RBMS3: variants seen among roughly 807,000 people sequenced by gnomAD.
RBMS3 encodes the protein RNA binding motif single stranded interacting protein 3, also known as RNA-binding motif, single-stranded-interacting protein 3.
In RBMS3, 27 loss-of-function variants were observed where a neutral mutation model predicts 66.8. That is an observed-to-expected ratio of 0.40 (90% CI 0.30 to 0.56). RBMS3 has a LOEUF of 0.56. Ranked by LOEUF, RBMS3 falls within the 20% of genes least tolerant of loss-of-function variation. The pLI, the probability that RBMS3 is intolerant of heterozygous loss-of-function variation, is 0.40. For missense variants in RBMS3, 513 were observed against 549.5 expected, an observed-to-expected ratio of 0.93 and a Z score of 0.66; for synonymous variants, 188 against 183.0, an observed-to-expected ratio of 1.03 and a Z score of -0.22.
chr3:29,807,686 C>T (rs1213473716), intron 6 of RBMS3, among the ~76,000 whole-genome samples: 1 of 151,666 alleles, frequency 6.6e-6, no homozygotes, highest in African/African-American at 2.4e-5. Flanking sequence ...AAAGATGTTC[C>T]ACAGCACATT....
chr3:29,645,301 G>A (rs907855497), intron 4 of RBMS3, among the ~76,000 whole-genome samples: 5 of 152,204 alleles, frequency 3.3e-5, no homozygotes, highest in African/African-American at 4.8e-5. Flanking sequence ...GGTATACATT[G>A]TTGATTTCTC....
chr3:29,455,178 T>TTTGCCTATATCTCGATCATCACAG (rs1472521395), intron 2 of RBMS3, among the ~76,000 whole-genome samples: 1 of 152,218 alleles, frequency 6.6e-6, no homozygotes, highest in Non-Finnish European at 1.5e-5. Flanking sequence ...CCCGTTTCAC[T>TTTGCCTATATCTCGATCATCACAG]TTGCCTATAT....
At chr3:29,578,126 T>C (rs751913435) in intron 3 of RBMS3, among the ~76,000 whole-genome samples, 1 of 152,260 alleles carries the variant, frequency 6.6e-6, no homozygotes, top group Non-Finnish European at 1.5e-5. Flanking sequence ...TTTATAACTC[T>C]ATAAACCTCT....
At chr3:29,386,813 C>A (rs572514919) in intron 1 of RBMS3, among the ~76,000 whole-genome samples, 2 of 152,316 alleles carry the variant, frequency 1.3e-5, no homozygotes, top group South Asian at 4.1e-4. Flanking sequence ...CCTAAAGCCA[C>A]TTCAATCATG....
chr3:29,662,381 T>C (rs982236205), intron 4 of RBMS3, among the ~76,000 whole-genome samples: 39 of 152,194 alleles, frequency 2.6e-4, no homozygotes, highest in African/African-American at 9.2e-4. Flanking sequence ...AATAAATAAA[T>C]GTTTAATATT....
intron 1 of RBMS3, among the ~76,000 whole-genome samples, chr3:29,330,886 T>C (rs1457947276): frequency 1.3e-5 from 2 of 152,176 alleles, no homozygotes; most frequent in African/African-American, 4.8e-5. Flanking sequence ...CGGATGGTGA[T>C]TGAATTGCTT....
At chr3:29,444,333 A>G in intron 2 of RBMS3, among the ~76,000 whole-genome samples, 1 of 152,120 alleles carries the variant, frequency 6.6e-6, no homozygotes, top group East Asian at 1.9e-4. Flanking sequence ...CCAAGGTCAC[A>G]CAGCTGGTAA....
intron 6 of RBMS3, among the ~76,000 whole-genome samples, chr3:29,777,245 T>C (rs1017101748): frequency 6.6e-6 from 1 of 151,926 alleles, no homozygotes; most frequent in Admixed American, 6.6e-5. Context: ...GGGTGTCTAT[T>C]TGTGACATGT....
chr3:29,335,473 C>G (rs2035893159), intron 1 of RBMS3, among the ~76,000 whole-genome samples: 3 of 152,182 alleles, frequency 2.0e-5, no homozygotes, highest in Admixed American at 1.3e-4. Flanking sequence ...ACTCCCCTGC[C>G]ATGTCAATTT....
At chr3:29,847,757 G>T (rs561366833) in intron 6 of RBMS3, among the ~76,000 whole-genome samples, 41 of 151,918 alleles carry the variant, frequency 2.7e-4, no homozygotes, top group Non-Finnish European at 5.9e-4. Flanking sequence ...CCGGGTTCAC[G>T]CCATTCTCCT....
chr3:29,552,358 C>T (rs1168270411), intron 3 of RBMS3, among the ~76,000 whole-genome samples: 1 of 152,274 alleles, frequency 6.6e-6, no homozygotes, highest in East Asian at 1.9e-4. Context: ...TTGAACTAGA[C>T]ATCCATAGTC....
At chr3:29,462,495 G>A (rs1331768470) in intron 2 of RBMS3, among the ~76,000 whole-genome samples, 1 of 152,108 alleles carries the variant, frequency 6.6e-6, no homozygotes, top group Non-Finnish European at 1.5e-5. Context: ...TAAATTGTTG[G>A]CAGTTGCCTG....
chr3:29,863,244 G>A (rs1487892303), intron 6 of RBMS3, among the ~76,000 whole-genome samples: 1 of 150,988 alleles, frequency 6.6e-6, no homozygotes, highest in Non-Finnish European at 1.5e-5. Context: ...GGGAGGGATA[G>A]CATTAGGAGA....
chr3:29,373,959 T>G (rs2038337461), intron 1 of RBMS3, among the ~76,000 whole-genome samples: 1 of 152,148 alleles, frequency 6.6e-6, no homozygotes, highest in South Asian at 2.1e-4. Context: ...TGCTGGTGGA[T>G]GGGTGGTCAG....
intron 12 of RBMS3, among the ~76,000 whole-genome samples, chr3:29,975,123 C>G (rs1040703236): frequency 1.4e-5 from 2 of 141,300 alleles, no homozygotes; most frequent in Admixed American, 1.4e-4. Context: ...ATATAAAATA[C>G]GTTTATATAT....
At chr3:29,722,058 G>A (rs1484419537) in intron 4 of RBMS3, among the ~76,000 whole-genome samples, 8 of 152,114 alleles carry the variant, frequency 5.3e-5, no homozygotes, top group Admixed American at 1.3e-4. Flanking sequence ...CTGTCTCAAG[G>A]GAGGGCAGTT....
At chr3:29,838,566 G>C (rs1417260099) in intron 6 of RBMS3, among the ~76,000 whole-genome samples, 3 of 152,002 alleles carry the variant, frequency 2.0e-5, no homozygotes, top group Non-Finnish European at 1.5e-5. Context: ...CCTTGTGAAC[G>C]TCCCACTTTG....
rs2042938085 is a variant in RBMS3 at position 29,476,075 on chromosome 3, CAG to C, written c.249-12365_249-12364del. 1.7e-4 allele frequency among the ~76,000 whole-genome samples: 25 copies of C among 149,610 alleles called. No individual in the cohort carries two copies. In the South Asian group the frequency reaches 5.2e-3, roughly 31 times the overall value. On this transcript the variant is annotated intron_variant, in intron 2 of 14. Coordinates refer to ENST00000383767, the MANE Select transcript of RBMS3 (RefSeq NM_001003793.3). ...CCCTGTGGAATGAAAGGCATGCACT[CAG>C]GGGAGTGTGCACACCTGCAGTAATG...
At chr3:29,336,508 C>T (rs2035958418) in intron 1 of RBMS3, among the ~76,000 whole-genome samples, 1 of 151,832 alleles carries the variant, frequency 6.6e-6, no homozygotes, top group Non-Finnish European at 1.5e-5. Context: ...TGGCCTCAAC[C>T]CCAAAGATAC....
Sources: gnomAD v4.1 joint callset for allele counts (sites outside exome capture counted in the v4.1 genomes callset) on GRCh38, gnomAD v4.1.1 for gene constraint, MANE v1.5 for transcripts, NCBI Gene and HGNC (gene_info 2026-07-23, HGNC 2026-07-21) for gene names.